Variants in PITPNM3 observed in about 807,000 individuals in gnomAD.
PITPNM3 encodes PITPNM family member 3.
PITPNM3 carries 26 observed loss-of-function variants against 102.0 expected under a neutral mutation model. The ratio of observed to expected loss-of-function variants is 0.25; its 90% CI spans 0.19 to 0.35. PITPNM3 has a LOEUF of 0.35. Ranked by LOEUF, PITPNM3 falls within the 10% of genes least tolerant of loss-of-function variation. The pLI, the probability that PITPNM3 is intolerant of heterozygous loss-of-function variation, is 1.00. For missense variants in PITPNM3, 1,083 were observed against 1,346.1 expected, an observed-to-expected ratio of 0.80 and a Z score of 3.06; for synonymous variants, 578 against 558.6, an observed-to-expected ratio of 1.03 and a Z score of -0.49.
intron 17 of PITPNM3, 38 bp downstream of exon 17, chr17:6,463,694 C>G: frequency 6.2e-7 from 1 of 1,605,992 alleles, no homozygotes; most frequent in Non-Finnish European, 8.5e-7. Context: ...GCTCCTGCCC[C>G]CCAGGGAGAT....
chr17:6,531,752 C>T (rs1181583739), intron 2 of PITPNM3, among the ~76,000 whole-genome samples: 2 of 152,218 alleles, frequency 1.3e-5, no homozygotes, highest in Admixed American at 1.3e-4. Flanking sequence ...GAACCCACAG[C>T]ACTGAGCCAG....
chr17:6,534,012 T>C (rs575495721), intron 2 of PITPNM3, among the ~76,000 whole-genome samples: 1 of 152,322 alleles, frequency 6.6e-6, no homozygotes, highest in South Asian at 2.1e-4. Context: ...GTTTCCCAGC[T>C]TGTAAAGTGA....
chr17:6,482,062 CTCTG>C (rs764824810), intron 6 of PITPNM3, among the ~76,000 whole-genome samples: 33,734 of 119,338 alleles, frequency 0.28, 5,641 homozygotes, highest in Middle Eastern at 0.45. Flanking sequence ...CTCTCTCTCT[CTCTG>C]TCTCTCTCTC....
Position 6,484,139 on chromosome 17 carries a change from C to T in PITPNM3, c.351+77G>A, listed in dbSNP as rs993081574. ...GACGAAGAGCTGGAAGAAAACGAGG[C>T]CGCCTATGATCCGAGGGCTCTTGCT... is the stretch of plus-strand genomic sequence containing the variant. On this transcript the variant is annotated intron_variant, in intron 5 of 19. Coordinates refer to ENST00000262483, the MANE Select transcript of PITPNM3 (RefSeq NM_031220.4). 7 of 1,453,146 alleles carry T rather than the reference C, an allele frequency of 4.8e-6. No homozygotes were observed. In the African/African-American group the frequency reaches 8.4e-5, roughly 17 times the overall value. The allele number at this position is 1,453,146 out of a possible 1,614,324, so 90.0% of individuals were successfully genotyped here.
intron 9 of PITPNM3, among the ~76,000 whole-genome samples, chr17:6,476,249 G>A (rs2150730139): frequency 6.6e-6 from 1 of 152,222 alleles, no homozygotes; most frequent in South Asian, 2.1e-4. Flanking sequence ...TGGGTGGTGA[G>A]ATGATTATCT....
intron 4 of PITPNM3, among the ~76,000 whole-genome samples, chr17:6,487,690 C>T (rs540123088): frequency 1.4e-4 from 21 of 152,316 alleles, no homozygotes; most frequent in South Asian, 6.2e-4. Flanking sequence ...CTGGACTCTG[C>T]GCCCTCACCC....
intron 4 of PITPNM3, among the ~76,000 whole-genome samples, chr17:6,485,219 T>A (rs1031952869): frequency 6.6e-6 from 1 of 151,408 alleles, no homozygotes; most frequent in South Asian, 2.1e-4. Flanking sequence ...AGTGCAATGG[T>A]GCAATCTCGG....
intron 3 of PITPNM3, among the ~76,000 whole-genome samples, chr17:6,515,397 C>CAAAAAAAAA (rs61420968): frequency 7.3e-5 from 6 of 82,196 alleles, no homozygotes; most frequent in East Asian, 3.1e-4. Flanking sequence ...GACTCCATCT[C>CAAAAAAAAA]AAAAAAAAAA....
chr17:6,488,320 C>T (rs534122954), intron 4 of PITPNM3, among the ~76,000 whole-genome samples: 2 of 152,312 alleles, frequency 1.3e-5, no homozygotes, highest in East Asian at 3.9e-4. Flanking sequence ...CCTTTGCAGA[C>T]TGGCAAACTC....
chr17:6,548,936 C>A (rs1246306326), intron 1 of PITPNM3, among the ~76,000 whole-genome samples: 1 of 152,152 alleles, frequency 6.6e-6, no homozygotes, highest in Non-Finnish European at 1.5e-5. Flanking sequence ...ACGGTTACTT[C>A]CCCTCCTTCC....
In PITPNM3 at chr17:6,517,584, G is replaced by A. The variant is rs1270906066; in HGVS notation, c.226+7772C>T. Among the ~76,000 whole-genome samples, 1 of 151,602 alleles carries A rather than the reference G, an allele frequency of 6.6e-6. No individual in the cohort carries two copies. The highest frequency in any genetic ancestry group is 1.5e-5 in the Non-Finnish European group (1 of 67,896). ...TTTTAATTTTTTTTTTTTTGAGACA[G>A]GGGCTCATTCTGTCACCCAGGCTGG... On this transcript the variant is annotated intron_variant, in intron 3 of 19. Coordinates refer to ENST00000262483, the MANE Select transcript of PITPNM3 (RefSeq NM_031220.4). This position sits in a 1 kb window ranked among gnomAD's most constrained non-coding sequence, Gnocchi z 4.1.
At chr17:6,516,902 G>A (rs77084445) in intron 3 of PITPNM3, among the ~76,000 whole-genome samples, 7,377 of 151,978 alleles carry the variant, frequency 0.049, 267 homozygotes, top group South Asian at 0.15. Flanking sequence ...ATTTAAAAAC[G>A]TAAATCTTCA....
chr17:6,539,822 T>G (rs150023367), intron 1 of PITPNM3, among the ~76,000 whole-genome samples: 3 of 152,344 alleles, frequency 2.0e-5, no homozygotes, highest in African/African-American at 7.2e-5. Flanking sequence ...TCTTTTCCGT[T>G]CCTAAGAAGT....
At chr17:6,502,187 C>T (rs762657596) in intron 4 of PITPNM3, among the ~76,000 whole-genome samples, 8 of 152,270 alleles carry the variant, frequency 5.3e-5, no homozygotes, top group Non-Finnish European at 7.3e-5. Context: ...TGGTGGCTCA[C>T]GCCTAAAATC....
chr17:6,529,486 C>T (rs541811288), intron 2 of PITPNM3, among the ~76,000 whole-genome samples: 39 of 151,948 alleles, frequency 2.6e-4, no homozygotes, highest in African/African-American at 9.2e-4. Flanking sequence ...CCCAGCAACT[C>T]AGGAGGCTGA....
chr17:6,482,018 C>CTCTCTCTCTCTG (rs1905742353), intron 6 of PITPNM3, among the ~76,000 whole-genome samples: 1 of 108,798 alleles, frequency 9.2e-6, no homozygotes, highest in Non-Finnish European at 1.8e-5. Flanking sequence ...CTCTCTCTCT[C>CTCTCTCTCTCTG]TCTCTCTCTC....
At chr17:6,499,694 C>T (rs1907054315) in intron 4 of PITPNM3, among the ~76,000 whole-genome samples, 1 of 144,016 alleles carries the variant, frequency 6.9e-6, no homozygotes, top group South Asian at 2.3e-4. Context: ...GATGATATGG[C>T]CATCTTTTCT....
intron 3 of PITPNM3, among the ~76,000 whole-genome samples, chr17:6,508,846 A>C (rs1907702220): frequency 6.6e-6 from 1 of 152,244 alleles, no homozygotes; most frequent in Non-Finnish European, 1.5e-5. Context: ...AGCCAGCTCC[A>C]TCTTCCCTGG....
At chr17:6,490,815 G>A (rs1256833836) in intron 4 of PITPNM3, among the ~76,000 whole-genome samples, 6 of 150,666 alleles carry the variant, frequency 4.0e-5, no homozygotes, top group Admixed American at 1.3e-4. Flanking sequence ...TTAGACAGGC[G>A]TGGTGGTGGG....
Sources: gnomAD v4.1 joint callset for allele counts (sites outside exome capture counted in the v4.1 genomes callset) on GRCh38, gnomAD v4.1.1 for gene constraint, Gnocchi (gnomAD v3.1) non-coding constraint, MANE v1.5 for transcripts, NCBI Gene and HGNC (gene_info 2026-07-23, HGNC 2026-07-21) for gene names.